ADAM19: variants seen among roughly 807,000 people sequenced by gnomAD.
The protein encoded by ADAM19 is disintegrin and metalloproteinase domain-containing protein 19.
ADAM19 carries 65 observed loss-of-function variants against 114.7 expected under a neutral mutation model. The ratio of observed to expected loss-of-function variants is 0.57; its 90% CI spans 0.46 to 0.70. The LOEUF is 0.70. ADAM19 is among the 30% of genes least tolerant of loss of function. The pLI is 0.00. For missense variants in ADAM19, 1,063 were observed against 1,204.7 expected (o/e 0.88, Z 1.74); for synonymous variants, 466 against 460.5 (o/e 1.01, Z -0.15).
intron 3 of ADAM19, among the ~76,000 whole-genome samples, chr5:157,539,295 T>G (rs1219123714): frequency 6.6e-6 from 1 of 152,184 alleles, no homozygotes; most frequent in Non-Finnish European, 1.5e-5. Flanking sequence ...GAGAGGTGTT[T>G]TGAAAACTGA....
Position 157,479,569 on chromosome 5 carries a change from G to T in ADAM19, c.*1380C>A, listed in dbSNP as rs150876061. 12 of 985,714 alleles carry T rather than the reference G, an allele frequency of 1.2e-5. No individual in the cohort carries two copies. The African/African-American group carries it at 1.9e-4, about 16-fold the overall frequency. The allele number at this position is 985,714 out of a possible 1,614,324, so 61.1% of individuals were successfully genotyped here. A position where few individuals can be genotyped will look rare whatever the true frequency, so the allele number is the denominator to read the frequency against. The stretch of plus-strand genomic sequence containing the variant: ...CACCACACGGCCCTCCTTCCCTGCT[G>T]CAGGGAAGACAGGAGCCACCGCAGA... On this transcript the variant is annotated 3_prime_UTR_variant, in exon 23 of 23. Transcript: ENST00000257527.
intron 19 of ADAM19, 49 bp from the exon 20 acceptor site, chr5:157,489,235 G>A: frequency 7.2e-7 from 1 of 1,379,670 alleles, no homozygotes; most frequent in South Asian, 1.2e-5. Flanking sequence ...ATGTTCAGCA[G>A]GGGACAGTGC....
intron 3 of ADAM19, among the ~76,000 whole-genome samples, chr5:157,551,759 C>T (rs911192310): frequency 6.6e-6 from 1 of 151,800 alleles, no homozygotes; most frequent in Non-Finnish European, 1.5e-5. Context: ...AAAAGTTGGG[C>T]AAAAGCTTTG....
At chr5:157,549,354 A>G (rs1399765278) in intron 3 of ADAM19, among the ~76,000 whole-genome samples, 2 of 152,188 alleles carry the variant, frequency 1.3e-5, no homozygotes, top group African/African-American at 2.4e-5. Flanking sequence ...ACCTCAACAT[A>G]TCACTCTTCT....
chr5:157,537,365 A>G (rs1756795829), intron 4 of ADAM19, among the ~76,000 whole-genome samples: 1 of 152,258 alleles, frequency 6.6e-6, no homozygotes, highest in Non-Finnish European at 1.5e-5. Context: ...GATCTTTGAC[A>G]TTGCGTAAAC....
intron 9 of ADAM19, among the ~76,000 whole-genome samples, chr5:157,508,424 C>T (rs1755813214): frequency 6.6e-6 from 1 of 152,120 alleles, no homozygotes; most frequent in Non-Finnish European, 1.5e-5. Context: ...GCTTGGCCAA[C>T]ATGGCAAAAT....
At chr5:157,551,411 C>CAAAAAA (rs1307546089) in intron 3 of ADAM19, among the ~76,000 whole-genome samples, 2 of 73,490 alleles carry the variant, frequency 2.7e-5, no homozygotes, top group Admixed American at 1.6e-4. Context: ...CCCCCCAACC[C>CAAAAAA]CAAAAAAAAA....
chr5:157,536,426 G>A (rs535420540), intron 4 of ADAM19, among the ~76,000 whole-genome samples: 13 of 152,258 alleles, frequency 8.5e-5, no homozygotes, highest in African/African-American at 3.1e-4. Context: ...TCAGGAGTTC[G>A]AGAATAGCTT....
At chr5:157,510,175 A>G (rs1755872570) in intron 8 of ADAM19, among the ~76,000 whole-genome samples, 1 of 152,238 alleles carries the variant, frequency 6.6e-6, no homozygotes, top group Admixed American at 6.5e-5. Flanking sequence ...AAATTTACCA[A>G]GTTTTAAAGC....
At position 157,499,034 on chromosome 5, in the gene ADAM19, GAATGTGGGCACCA is replaced by G. The variant is rs1279386904; in HGVS notation, c.1398+526_1398+538del. Among the ~76,000 whole-genome samples, 5 of 152,064 alleles carry G rather than the reference GAATGTGGGCACCA, an allele frequency of 3.3e-5. No individual in the cohort carries two copies. In the South Asian group the frequency reaches 6.2e-4, roughly 19 times the overall value. On this transcript the variant is annotated intron_variant, in intron 13 of 22. Coordinates refer to ENST00000257527, the MANE Select transcript of ADAM19 (RefSeq NM_033274.5). Reference sequence around the variant, plus strand: ...AATTTATCTCTCACATCAATATTAGGAATGTGGGCACCAGAGTCAGGGAAAGCTGGATTCAGTC... The same window carrying G: ...AATTTATCTCTCACATCAATATTAGGGAGTCAGGGAAAGCTGGATTCAGTC...
At position 157,518,614 on chromosome 5, in the gene ADAM19, C is replaced by A. The variant is rs556222366; in HGVS notation, c.666+209G>T. 6.6e-5 allele frequency among the ~76,000 whole-genome samples: 10 copies of A among 152,352 alleles called. No homozygotes were observed. The South Asian group carries it at 1.2e-3, about 19-fold the overall frequency. On this transcript the variant is annotated intron_variant, in intron 7 of 22. Coordinates refer to ENST00000257527, the MANE Select transcript of ADAM19 (RefSeq NM_033274.5). ...GGCCAGGCTGGTCTCAAACTCCTGACCTCAGGTGATCCACCCGCCTTGCCC... is the reference window on the plus strand; with the variant it reads ...GGCCAGGCTGGTCTCAAACTCCTGAACTCAGGTGATCCACCCGCCTTGCCC...
chr5:157,540,071 A>G (rs1363995506), intron 3 of ADAM19, among the ~76,000 whole-genome samples: 1 of 152,238 alleles, frequency 6.6e-6, no homozygotes, highest in African/African-American at 2.4e-5. Flanking sequence ...TGATATACTC[A>G]TTTGATAGGG....
rs553829402 is a variant in ADAM19, at chr5:157,523,792, C to A, written c.408-3761G>T. On this transcript the variant is annotated intron_variant, in intron 5 of 22. Coordinates refer to ENST00000257527, the MANE Select transcript of ADAM19 (RefSeq NM_033274.5). The stretch of plus-strand genomic sequence containing the variant: ...AACCTAAAAAACGCAGAGCTGCAGG[C>A]CTGAGTAATTCCCTGCCTAGCCACA... Among the ~76,000 whole-genome samples, 225 of 152,312 alleles carry A rather than the reference C, an allele frequency of 1.5e-3. 1 individual carries two copies. Among genetic ancestry groups the A allele is most frequent in the African/African-American group, 5.1e-3 (213 of 41,568 alleles).
chr5:157,489,094 G>T lies in ADAM19; in HGVS notation c.2325+8C>A, dbSNP rs1347346886. 1 of 1,612,692 alleles carries T rather than the reference G, an allele frequency of 6.2e-7. No individual in the cohort carries two copies. Among genetic ancestry groups the T allele is most frequent in the Admixed American group, 1.7e-5 (1 of 60,012 alleles). On this transcript the variant is annotated splice_region_variant and intron_variant, in intron 20 of 22. Transcript: ENST00000257527. The stretch of plus-strand genomic sequence containing the variant: ...AAGTAGCAAAGTTCAGTGGTGCAAA[G>T]CTCTTACCTTTCGCTTGCCCTGGGG...
At chr5:157,511,320 T>A (rs892823405) in intron 8 of ADAM19, among the ~76,000 whole-genome samples, 2 of 152,194 alleles carry the variant, frequency 1.3e-5, no homozygotes, top group Non-Finnish European at 2.9e-5. Context: ...ACTTTTTACG[T>A]ACTAGGCACT....
chr5:157,553,494 G>A (rs939876865), intron 3 of ADAM19, among the ~76,000 whole-genome samples: 3 of 152,118 alleles, frequency 2.0e-5, no homozygotes, highest in Non-Finnish European at 4.4e-5. Context: ...TCAACCTTTG[G>A]GGAGGTATCT....
Position 157,499,616 on chromosome 5 carries a change from G to A in ADAM19, c.1355C>T (p.Pro452Leu), listed in dbSNP as rs147064466. 9.9e-4 allele frequency: 1,605 copies of A among 1,613,402 alleles called. No individual in the cohort carries two copies. Among genetic ancestry groups the A allele is most frequent in the Non-Finnish European group, 1.3e-3 (1,488 of 1,179,838 alleles). The change falls in exon 13 of 23, where the codon CCG becomes CTG. Residue 452 changes from proline to leucine, a missense_variant. Transcript: ENST00000257527. Reference sequence around the variant, plus strand: ...GGAGCCGTGAGCACACTCCGCCCCCGGCCTCAGGGTACAATTAGAGGCATT... The same window carrying A: ...GGAGCCGTGAGCACACTCCGCCCCCAGCCTCAGGGTACAATTAGAGGCATT... ...CCNASNCTLR[P>L]GAECAHGSCC...
At position 157,477,711 on chromosome 5, in the gene ADAM19, T is replaced by C. The variant is rs866819025; in HGVS notation, c.*3238A>G. The C allele has an allele frequency of 5.4e-6, 7 of 1,289,686 alleles. No homozygotes were observed. The African/African-American group carries it at 9.1e-5, about 17-fold the overall frequency. 79.9% of individuals were successfully genotyped at this position (1,289,686 alleles called of 1,614,324 possible). ...TGACTTTGGAACTGGTCCCCAGTTT[T>C]CAAATTGCAAGTCTTCCATACCCTC... On this transcript the variant is annotated 3_prime_UTR_variant, in exon 23 of 23. Transcript: ENST00000257527.
rs753277652 is a variant in ADAM19 at position 157,489,159 on chromosome 5, G to A, written c.2268C>T (p.Ser756=). 34 of 1,613,866 alleles carry A rather than the reference G, an allele frequency of 2.1e-5. 1 individual carries two copies. In the East Asian group the frequency reaches 5.3e-4, roughly 25 times the overall value. Residue 756 remains serine, a synonymous_variant, in exon 20 of 23, where the codon AGC becomes AGT. Coordinates refer to ENST00000257527, the MANE Select transcript of ADAM19 (RefSeq NM_033274.5). ...AAGTTGGGTTGGCATGACCAGTCCC[G>A]CTGTTCTGAGAAACCCTGAAGGGAC... ...FSCPFRVSQN[S]GTGHANPTFK... is the part of the protein sequence containing the mutation.
Sources: gnomAD v4.1 joint callset for allele counts (sites outside exome capture counted in the v4.1 genomes callset) on GRCh38, gnomAD v4.1.1 for gene constraint, MANE v1.5 for transcripts, NCBI Gene and HGNC (gene_info 2026-07-23, HGNC 2026-07-21) for gene names.